The following ARHGAP10 variants were observed in gnomAD, a reference collection of about 807,000 sequenced individuals.
ARHGAP10 encodes Rho GTPase activating protein 10, also known as rho GTPase-activating protein 10.
In ARHGAP10, 87 loss-of-function variants were observed where a neutral mutation model predicts 108.6. The observed-to-expected ratio is 0.80, with a 90% CI of 0.67 to 0.96. The LOEUF is 0.96. Among genes scored for constraint, ARHGAP10 ranks in the 40% least tolerant of loss-of-function variants. ARHGAP10 has a pLI of 0.00. For missense variants in ARHGAP10, 939 were observed against 954.5 expected (o/e 0.98, Z 0.21); for synonymous variants, 347 against 341.1 (o/e 1.02, Z -0.19).
intron 14 of ARHGAP10, among the ~76,000 whole-genome samples, chr4:147,943,580 C>G (rs946159363): frequency 7.9e-5 from 12 of 152,168 alleles, no homozygotes; most frequent in Admixed American, 6.5e-4. Context: ...CCAGTGGTTA[C>G]GTAAGCGTGA....
chr4:147,886,550 A>G (rs59222333), intron 10 of ARHGAP10, among the ~76,000 whole-genome samples: 6,401 of 152,228 alleles, frequency 0.042, 469 homozygotes, highest in African/African-American at 0.15. Flanking sequence ...TTGAAATTTC[A>G]TAGTCACTCA....
At chr4:147,800,841 T>C (rs1443835400) in intron 1 of ARHGAP10, among the ~76,000 whole-genome samples, 2 of 152,232 alleles carry the variant, frequency 1.3e-5, no homozygotes, top group Non-Finnish European at 2.9e-5. Flanking sequence ...ACACAGCGTC[T>C]TACTCTGTCA....
chr4:147,974,636 T>C (rs1300428806), intron 18 of ARHGAP10, among the ~76,000 whole-genome samples: 1 of 152,226 alleles, frequency 6.6e-6, no homozygotes, highest in Non-Finnish European at 1.5e-5. Context: ...CTTTGTGTGG[T>C]ACTTCAGTGT....
chr4:147,987,418 C>G (rs1354571497), intron 18 of ARHGAP10, among the ~76,000 whole-genome samples: 2 of 152,186 alleles, frequency 1.3e-5, no homozygotes, highest in Non-Finnish European at 2.9e-5. Context: ...TAGCCACTTC[C>G]TCTTTTTACC....
chr4:147,936,032 G>A (rs889600962), intron 13 of ARHGAP10, among the ~76,000 whole-genome samples: 4 of 152,080 alleles, frequency 2.6e-5, no homozygotes, highest in Non-Finnish European at 4.4e-5. Flanking sequence ...AATTCAGGCC[G>A]TTTTCACAGA....
chr4:148,025,380 A>G (rs1249360709), intron 19 of ARHGAP10, among the ~76,000 whole-genome samples: 1 of 151,134 alleles, frequency 6.6e-6, no homozygotes, highest in South Asian at 2.1e-4. Context: ...TTTTTTTTTA[A>G]GTTGTCAGAA....
chr4:147,993,846 G>A (rs1227888041), intron 18 of ARHGAP10, among the ~76,000 whole-genome samples: 1 of 152,182 alleles, frequency 6.6e-6, no homozygotes, highest in African/African-American at 2.4e-5. Context: ...AGTCTGCTTG[G>A]GGGAGAGGGT....
intron 1 of ARHGAP10, among the ~76,000 whole-genome samples, chr4:147,808,233 T>G (rs1442949103): frequency 6.6e-6 from 1 of 150,932 alleles, no homozygotes; most frequent in African/African-American, 2.4e-5. Flanking sequence ...CTTATGCAGG[T>G]TGTATGTGGG....
At chr4:147,823,820 A>G (rs1381877605) in intron 3 of ARHGAP10, among the ~76,000 whole-genome samples, 2 of 152,172 alleles carry the variant, frequency 1.3e-5, no homozygotes, top group African/African-American at 4.8e-5. Flanking sequence ...TGCTCTTCAT[A>G]TGCAGTGCTG....
Position 147,732,439 on chromosome 4 carries a change from C to T in ARHGAP10, c.138C>T (p.Leu46=), listed in dbSNP as rs1490996677. 2 of 1,612,210 alleles carry T rather than the reference C, an allele frequency of 1.2e-6. No individual in the cohort carries two copies. The highest frequency in any genetic ancestry group is 1.7e-6 in the Non-Finnish European group (2 of 1,179,162). The change falls in exon 1 of 23, where the codon CTC becomes CTT. Residue 46 remains leucine (L), a synonymous_variant. Coordinates refer to ENST00000336498, the MANE Select transcript of ARHGAP10 (RefSeq NM_024605.4). The stretch of plus-strand genomic sequence containing the variant: ...AGCTCATTAAGGACGGGAAGAACCT[C>T]ATCGCTGCGACGAAAAGTAAGCGGG... ...IKELIKDGKN[L]IAATKSLSVA...
At chr4:147,908,230 A>G (rs1266817704) in intron 11 of ARHGAP10, among the ~76,000 whole-genome samples, 1 of 152,214 alleles carries the variant, frequency 6.6e-6, no homozygotes, top group African/African-American at 2.4e-5. Flanking sequence ...TGAGACTCCA[A>G]AACAGGTTAT....
At chr4:148,019,222 A>G (rs1741466007) in intron 18 of ARHGAP10, among the ~76,000 whole-genome samples, 1 of 152,212 alleles carries the variant, frequency 6.6e-6, no homozygotes, top group Admixed American at 6.5e-5. Context: ...ACTCCAAGAA[A>G]TTAGTGCCCT....
chr4:147,776,267 T>A (rs1730287264), intron 1 of ARHGAP10, among the ~76,000 whole-genome samples: 1 of 152,174 alleles, frequency 6.6e-6, no homozygotes, highest in Non-Finnish European at 1.5e-5. Context: ...TCGCCCAGGC[T>A]GGAGTGCAGT....
chr4:148,001,842 A>G (rs1412754082), intron 18 of ARHGAP10, among the ~76,000 whole-genome samples: 1 of 152,220 alleles, frequency 6.6e-6, no homozygotes. Flanking sequence ...CTAAATATGC[A>G]GTCATGTCAT....
rs530990867 is a variant in ARHGAP10, at chr4:147,885,925, T to C, written c.1034+3993T>C. 3.9e-5 allele frequency among the ~76,000 whole-genome samples: 6 copies of C among 152,360 alleles called. No homozygotes were observed. In the South Asian group the frequency reaches 1.0e-3, roughly 26 times the overall value. On this transcript the variant is annotated intron_variant, in intron 10 of 22. Coordinates refer to ENST00000336498, the MANE Select transcript of ARHGAP10 (RefSeq NM_024605.4). The stretch of plus-strand genomic sequence containing the variant: ...TCCTAAAATCCGAGATCTATAATGC[T>C]TCCAAATGCAAAAATTTTTTAGCAC...
rs115140690 is a variant in ARHGAP10 at position 147,974,133 on chromosome 4, A to C, written c.1716+7294A>C. 1.5e-3 allele frequency among the ~76,000 whole-genome samples: 232 copies of C among 152,190 alleles called. 1 individual carries two copies. The highest frequency in any genetic ancestry group is 4.2e-3 in the African/African-American group (174 of 41,526). The stretch of plus-strand genomic sequence containing the variant: ...CCTCCAAAGTATTCTCCATAGGGGT[A>C]CATTCCCACCAAGAGTGTACAGGGG... On this transcript the variant is annotated intron_variant, in intron 18 of 22. Transcript: ENST00000336498.
intron 13 of ARHGAP10, among the ~76,000 whole-genome samples, chr4:147,938,782 T>A (rs1738049985): frequency 6.6e-6 from 1 of 152,216 alleles, no homozygotes; most frequent in Admixed American, 6.5e-5. Flanking sequence ...CCAGTTGTGT[T>A]CTTGTTACCT....
intron 4 of ARHGAP10, among the ~76,000 whole-genome samples, chr4:147,855,515 CTATT>C (rs1734049624): frequency 6.6e-6 from 1 of 152,042 alleles, no homozygotes; most frequent in African/African-American, 2.4e-5. Context: ...AAAAGAGTGA[CTATT>C]AAGTAAAAGA....
At chr4:147,978,961 C>T (rs540518570) in intron 18 of ARHGAP10, among the ~76,000 whole-genome samples, 25 of 152,138 alleles carry the variant, frequency 1.6e-4, no homozygotes, top group African/African-American at 5.8e-4. Context: ...GAAATTAGTT[C>T]TTTGTCAGAT....
Sources: allele counts gnomAD v4.1 joint callset (sites outside exome capture counted in the v4.1 genomes callset), GRCh38; gene constraint gnomAD v4.1.1; transcripts MANE v1.5; gene names NCBI Gene and HGNC (gene_info 2026-07-23, HGNC 2026-07-21).